Variants in SUZ12 observed in about 807,000 individuals in gnomAD.
The protein encoded by SUZ12 is SUZ12 polycomb repressive complex 2 subunit.
A neutral mutation model predicts 87.3 loss-of-function variants in SUZ12; 17 were observed. That is an observed-to-expected ratio of 0.19 (90% CI 0.13 to 0.29). The LOEUF (loss-of-function observed/expected upper bound fraction) is 0.29. Ranked by LOEUF, SUZ12 falls within the 10% of genes least tolerant of loss-of-function variation. The pLI is 1.00. For synonymous variants in SUZ12, 253 were observed against 312.4 expected, an observed-to-expected ratio of 0.81 and a Z score of 2.01; for missense variants, 526 against 912.2, an observed-to-expected ratio of 0.58 and a Z score of 5.45.
intron 15 of SUZ12, among the ~76,000 whole-genome samples, chr17:31,997,133 C>T (rs1047834377): frequency 3.3e-5 from 5 of 151,918 alleles, no homozygotes; most frequent in African/African-American, 1.2e-4. Context: ...AGGCAAAAAC[C>T]GGGCCTTGCC....
chr17:31,954,150 C>T (rs1907157522), intron 4 of SUZ12, among the ~76,000 whole-genome samples: 1 of 151,984 alleles, frequency 6.6e-6, no homozygotes, highest in African/African-American at 2.4e-5. Flanking sequence ...GCAACCTCCG[C>T]CTCCTGGGTT....
chr17:31,988,707 C>T (rs1474759189), intron 10 of SUZ12, among the ~76,000 whole-genome samples: 1 of 151,498 alleles, frequency 6.6e-6, no homozygotes, highest in African/African-American at 2.4e-5. Context: ...ATTCTCCTGA[C>T]TCAGCCTCCC....
chr17:31,944,379 C>T (rs553343675), intron 3 of SUZ12, among the ~76,000 whole-genome samples: 1 of 151,934 alleles, frequency 6.6e-6, no homozygotes, highest in Non-Finnish European at 1.5e-5. Context: ...CTGCCCACCT[C>T]GGACTCCCAA....
intron 4 of SUZ12, among the ~76,000 whole-genome samples, chr17:31,949,562 ATC>A (rs1006572196): frequency 1.0e-4 from 14 of 137,862 alleles, no homozygotes; most frequent in African/African-American, 3.3e-4. Flanking sequence ...CAGTGGTGCT[ATC>A]TCAGCTCACT....
Position 31,937,100 on chromosome 17 carries a change from C to T in SUZ12, c.-147C>T. On this transcript the variant is annotated 5_prime_UTR_variant, in exon 1 of 16. Transcript: ENST00000322652. ...TCCTCCCTCCTTCCCTCCTCTCCTC[C>T]TCCCTTCCCTTCCCCTCTCCTCCCC... 3.1e-6 allele frequency: 2 copies of T among 655,544 alleles called. No individual in the cohort carries two copies. Among genetic ancestry groups the T allele is most frequent in the Non-Finnish European group, 4.6e-6 (2 of 438,356 alleles). 40.6% of individuals were successfully genotyped at this position (655,544 alleles called of 1,614,324 possible). A position where few individuals can be genotyped will look rare whatever the true frequency, so the allele number is the denominator to read the frequency against.
intron 9 of SUZ12, among the ~76,000 whole-genome samples, chr17:31,984,479 TAAGA>T (rs1909295756): frequency 6.6e-6 from 1 of 152,160 alleles, no homozygotes; most frequent in Non-Finnish European, 1.5e-5. Flanking sequence ...GATTGAAAAG[TAAGA>T]AAGCATAAAG....
chr17:31,993,627 C>T (rs75097683), intron 11 of SUZ12, among the ~76,000 whole-genome samples: 28 of 152,116 alleles, frequency 1.8e-4, no homozygotes, highest in South Asian at 6.2e-4. Context: ...TACCATGTTG[C>T]CCAGGCTTGT....
chr17:31,942,374 TG>T (rs1346124230), intron 3 of SUZ12, among the ~76,000 whole-genome samples: 1 of 151,390 alleles, frequency 6.6e-6, no homozygotes, highest in Non-Finnish European at 1.5e-5. Flanking sequence ...TCACTCTTGT[TG>T]CCCAGGCTGG....
intron 15 of SUZ12, among the ~76,000 whole-genome samples, chr17:31,998,306 C>G (rs995512094): frequency 1.3e-5 from 2 of 152,044 alleles, no homozygotes; most frequent in African/African-American, 4.8e-5. Context: ...GTCTTGATCT[C>G]CTGATCTTGC....
intron 8 of SUZ12, among the ~76,000 whole-genome samples, chr17:31,982,079 GTT>G (rs1909144560): frequency 6.6e-6 from 1 of 152,130 alleles, no homozygotes; most frequent in African/African-American, 2.4e-5. Context: ...GAAAAAATAA[GTT>G]ATACATAGAC....
chr17:31,977,564 C>T (rs1908832410), intron 8 of SUZ12, among the ~76,000 whole-genome samples: 1 of 151,966 alleles, frequency 6.6e-6, no homozygotes, highest in Admixed American at 6.6e-5. Context: ...AGGCGTGAGC[C>T]ACCATGCCTA....
At chr17:31,990,450 G>A (rs982603192) in intron 10 of SUZ12, among the ~76,000 whole-genome samples, 2 of 149,928 alleles carry the variant, frequency 1.3e-5, no homozygotes, top group Admixed American at 1.3e-4. Flanking sequence ...CACAACCTCC[G>A]CCTCCCGGTT....
At chr17:31,972,547 G>T (rs1017847226) in intron 5 of SUZ12, among the ~76,000 whole-genome samples, 7 of 151,906 alleles carry the variant, frequency 4.6e-5, no homozygotes, top group African/African-American at 7.3e-5. Context: ...AGGTAGCTAG[G>T]ACTACAGGCA....
chr17:31,962,784 A>C (rs1462276691), intron 4 of SUZ12, among the ~76,000 whole-genome samples: 2 of 152,382 alleles, frequency 1.3e-5, no homozygotes, highest in Admixed American at 6.5e-5. Context: ...AGTTAGACAA[A>C]AGATTTGGTA....
At chr17:31,951,023 G>A (rs1382444680) in intron 4 of SUZ12, among the ~76,000 whole-genome samples, 2 of 152,012 alleles carry the variant, frequency 1.3e-5, no homozygotes, top group Non-Finnish European at 2.9e-5. Flanking sequence ...CTCGTGATCC[G>A]CCCATCTCAG....
chr17:31,945,862 A>C (rs1567812896), intron 3 of SUZ12, among the ~76,000 whole-genome samples: 1 of 152,164 alleles, frequency 6.6e-6, no homozygotes, highest in African/African-American at 2.4e-5. Flanking sequence ...CATTATTCGG[A>C]AAAGTTTTCA....
intron 15 of SUZ12, 92 bp downstream of exon 15, chr17:31,996,969 T>C (rs1243167119): frequency 2.6e-5 from 21 of 816,734 alleles, no homozygotes. Flanking sequence ...TGTTAGAATC[T>C]TATTTAAAAT....
At chr17:31,981,729 TTAGAG>T (rs1166063637) in intron 8 of SUZ12, among the ~76,000 whole-genome samples, 1 of 152,228 alleles carries the variant, frequency 6.6e-6, no homozygotes, top group African/African-American at 2.4e-5. Context: ...TTAAGAGACT[TTAGAG>T]ACAGACACCT....
intron 3 of SUZ12, among the ~76,000 whole-genome samples, chr17:31,942,830 ATTATAT>A (rs1351258401): frequency 6.6e-6 from 1 of 152,176 alleles, no homozygotes; most frequent in South Asian, 2.1e-4. Flanking sequence ...TAGGTGCAAG[ATTATAT>A]TTATTTGAGA....
Sources: allele counts gnomAD v4.1 joint callset (sites outside exome capture counted in the v4.1 genomes callset), GRCh38; gene constraint gnomAD v4.1.1; transcripts MANE v1.5; gene names NCBI Gene and HGNC (gene_info 2026-07-23, HGNC 2026-07-21).